Variants in CR2 observed in about 807,000 individuals in gnomAD.
CR2 encodes the protein complement receptor type 2.
A neutral mutation model predicts 123.0 loss-of-function variants in CR2; 96 were observed. That is an observed-to-expected ratio of 0.78 (90% CI 0.66 to 0.93). The LOEUF (loss-of-function observed/expected upper bound fraction) is 0.93. Among genes scored for constraint, CR2 ranks in the 40% least tolerant of loss-of-function variants. CR2 has a pLI of 0.00. For missense variants in CR2, 1,258 were observed against 1,361.0 expected, an observed-to-expected ratio of 0.92 and a Z score of 1.19; for synonymous variants, 484 against 469.5, an observed-to-expected ratio of 1.03 and a Z score of -0.40.
intron 12 of CR2, 74 bp from the exon 13 acceptor site, chr1:207,474,167 G>A: frequency 8.1e-7 from 1 of 1,238,910 alleles, no homozygotes; most frequent in African/African-American, 1.5e-5. Context: ...TTATTTAGAA[G>A]TCCCTTTTTG....
In CR2 at chr1:207,466,567, A is replaced by T. The variant is rs1283232823; in HGVS notation, c.100A>T (p.Ile34Phe). The change falls in exon 2 of 20, where the codon ATT (isoleucine) becomes TTT (phenylalanine). Residue 34 changes from isoleucine (I) to phenylalanine (F), a missense_variant. Coordinates refer to ENST00000367057, the MANE Select transcript of CR2 (RefSeq NM_001006658.3). ...TCCTCCGCCTATCCTAAATGGCCGGATTAGTTATTATTCTACCCCCATTGC... is the reference window on the plus strand; with the variant it reads ...TCCTCCGCCTATCCTAAATGGCCGGTTTAGTTATTATTCTACCCCCATTGC... ...GSPPPILNGRISYYSTPIAVG... is the reference protein window; with the variant it reads ...GSPPPILNGRFSYYSTPIAVG... 1 of 1,613,924 alleles carries T rather than the reference A, an allele frequency of 6.2e-7. No homozygotes were observed. Among genetic ancestry groups the T allele is most frequent in the Non-Finnish European group, 8.5e-7 (1 of 1,179,992 alleles).
rs528335863 is a variant in CR2, at chr1:207,485,504, T to C, written c.3229T>C (p.Leu1077=). 6.2e-7 allele frequency: 1 copy of C among 1,613,538 alleles called. No homozygotes were observed. ...TDTSQKEAFH[L]EAREVYSVDP... is the part of the protein sequence containing the mutation. ...TACAAGCCAGAAAGAAGCTTTTCAT[T>C]TAGAAGCACGAGAAGTATATTCTGT... Residue 1077 remains leucine (L), a synonymous_variant, in exon 19 of 20, where the codon TTA becomes CTA. Coordinates refer to ENST00000367057, the MANE Select transcript of CR2 (RefSeq NM_001006658.3).
intron 18 of CR2, among the ~76,000 whole-genome samples, chr1:207,482,484 C>T (rs142677821): frequency 2.0e-5 from 3 of 152,170 alleles, no homozygotes; most frequent in Non-Finnish European, 4.4e-5. Flanking sequence ...AGAGGAATGA[C>T]CACGTCCATC....
At chr1:207,456,351 A>G (rs898773229) in intron 1 of CR2, among the ~76,000 whole-genome samples, 11 of 152,150 alleles carry the variant, frequency 7.2e-5, no homozygotes, top group African/African-American at 2.4e-4. Flanking sequence ...GAGTGTGCTT[A>G]ATAAAATACT....
rs1658828876 is a variant in CR2 at position 207,489,403 on chromosome 1, CT to C, written c.*281del. 1 of 152,198 alleles carries C rather than the reference CT, an allele frequency of 6.6e-6. No homozygotes were observed. Among genetic ancestry groups the C allele is most frequent in the Admixed American group, 6.5e-5 (1 of 15,278 alleles). The allele number at this position is 152,198 out of a possible 1,614,324, so 9.4% of individuals were successfully genotyped here. ...CATGGCTATAAACAATTACATGGCT[CT>C]AAAAAGTTTTGCCCTTTTTAAGGAA... On this transcript the variant is annotated 3_prime_UTR_variant, in exon 20 of 20. Coordinates refer to ENST00000367057, the MANE Select transcript of CR2 (RefSeq NM_001006658.3).
chr1:207,481,059 T>C (rs1340099454), intron 18 of CR2, among the ~76,000 whole-genome samples: 1 of 152,124 alleles, frequency 6.6e-6, no homozygotes, highest in Non-Finnish European at 1.5e-5. Context: ...TTAGTCATTT[T>C]CATGATTACT....
Position 207,479,987 on chromosome 1 carries a change from C to T in CR2, c.3122C>T (p.Ala1041Val), listed in dbSNP as rs142392703. 2.0e-5 allele frequency: 33 copies of T among 1,612,374 alleles called. No homozygotes were observed. In the East Asian group the frequency reaches 7.4e-4, roughly 36 times the overall value. The change falls in exon 18 of 20, where the codon GCA becomes GTA. Residue 1041 changes from alanine (A) to valine (V), a missense_variant. Physicochemically the swap from Ala to Val is moderately conservative, Grantham distance 64 (BLOSUM62 0). Coordinates refer to ENST00000367057, the MANE Select transcript of CR2 (RefSeq NM_001006658.3). ...SLAPVLCGIA[A>V]GLILLTFLIV... ...TGGATTTTTCTTCTAGGTATTGCTG[C>T]AGGTTTGATACTTCTTACCTTCTTG... is the stretch of plus-strand genomic sequence containing the variant.
chr1:207,473,104 A>G lies in CR2; in HGVS notation c.1903A>G (p.Thr635Ala). ...GACATTCAAGTGTTATAGTGGATTTACTTTGAAGGGCAGTAGTCAGATTCG... is the reference window on the plus strand; with the variant it reads ...GACATTCAAGTGTTATAGTGGATTTGCTTTGAAGGGCAGTAGTCAGATTCG... ...TVTFKCYSGFTLKGSSQIRCK... is the reference protein window; with the variant it reads ...TVTFKCYSGFALKGSSQIRCK... Residue 635 changes from threonine to alanine, a missense_variant, in exon 10 of 20, where the codon ACT becomes GCT. Transcript: ENST00000367057. 1 of 1,613,998 alleles carries G rather than the reference A, an allele frequency of 6.2e-7. No individual in the cohort carries two copies.
Position 207,469,699 on chromosome 1 carries a change from T to G in CR2, c.822T>G (p.Ile274Met), listed in dbSNP as rs1243964195. ...TTCTTTCTGCAATTCCCCTAGAAAT[T>G]TTTTGCCCATCACCTCCCCCTATTC... ...AWTKMPVCEE[I>M]FCPSPPPILN... The change falls in exon 6 of 20, where the codon ATT becomes ATG. Residue 274 changes from isoleucine to methionine, a missense_variant. Transcript: ENST00000367057. 2 of 1,613,532 alleles carry G rather than the reference T, an allele frequency of 1.2e-6. No homozygotes were observed. The highest frequency in any genetic ancestry group is 1.7e-6 in the Non-Finnish European group (2 of 1,179,714).
At chr1:207,474,478 A>G (rs1231920241) in intron 13 of CR2, among the ~76,000 whole-genome samples, 155 bp downstream of exon 13, 2 of 152,230 alleles carry the variant, frequency 1.3e-5, no homozygotes, top group Non-Finnish European at 2.9e-5. Flanking sequence ...CAGTATTGAC[A>G]CTGAGAAACA....
chr1:207,470,818 T>TA lies in CR2; in HGVS notation c.1308dup (p.Tyr437IlefsTer2). The TA allele has an allele frequency of 6.2e-7, 1 of 1,613,900 alleles. No individual in the cohort carries two copies. Among genetic ancestry groups the TA allele is most frequent in the Non-Finnish European group, 8.5e-7 (1 of 1,179,870 alleles). On this transcript the variant is annotated frameshift_variant, in exon 7 of 20. Transcript: ENST00000367057. LOFTEE classifies it high-confidence loss of function. Reference sequence around the variant, plus strand: ...GTCCGCTTTGACCCTGGAACATCTATAAAATATAGCTGTAACCCTGGCTAT... The same window carrying TA: ...GTCCGCTTTGACCCTGGAACATCTATAAAAATATAGCTGTAACCCTGGCTAT...
rs770055011 is a variant in CR2 at position 207,475,200 on chromosome 1, A to G, written c.2700A>G (p.Pro900=). 8.1e-6 allele frequency: 13 copies of G among 1,613,896 alleles called. No individual in the cohort carries two copies. The highest frequency in any genetic ancestry group is 3.3e-5 in the Admixed American group (2 of 59,970). Residue 900 remains proline, a synonymous_variant, in exon 14 of 20, where the codon CCA becomes CCG. Transcript: ENST00000367057. ...HTDNTWVPGV[P]TCIKKAFIGC... ...ATAACACATGGGTGCCAGGTGTGCC[A>G]ACTTGTATCAAAAAAGGTAAGATAC...
chr1:207,473,570 C>A lies in CR2; in HGVS notation c.2004C>A (p.His668Gln). 3 of 1,613,870 alleles carry A rather than the reference C, an allele frequency of 1.9e-6. No individual in the cohort carries two copies. The highest frequency in any genetic ancestry group is 2.5e-6 in the Non-Finnish European group (3 of 1,179,844). Residue 668 changes from histidine to glutamine, a missense_variant, in exon 11 of 20, where the codon CAC (histidine) becomes CAA (glutamine). By Grantham distance (24) the His-to-Gln change is conservative. Coordinates refer to ENST00000367057, the MANE Select transcript of CR2 (RefSeq NM_001006658.3). ...EKGCQSPPGLHHGRHTGGNTV... is the reference protein window; with the variant it reads ...EKGCQSPPGLQHGRHTGGNTV... ...GCTGCCAGTCACCTCCTGGGCTCCA[C>A]CATGGTCGTCATACAGGTGGAAATA...
chr1:207,466,551 T>C lies in CR2; in HGVS notation c.84T>C (p.Pro28=). ...GGATTTCTTGTGGCTCTCCTCCGCC[T>C]ATCCTAAATGGCCGGATTAGTTATT... ...VLGISCGSPP[P]ILNGRISYYS... Residue 28 remains proline (P), a synonymous_variant, in exon 2 of 20, where the codon CCT becomes CCC. Coordinates refer to ENST00000367057, the MANE Select transcript of CR2 (RefSeq NM_001006658.3). 1 of 1,614,120 alleles carries C rather than the reference T, an allele frequency of 6.2e-7. No homozygotes were observed. Among genetic ancestry groups the C allele is most frequent in the Non-Finnish European group, 8.5e-7 (1 of 1,179,996 alleles).
At chr1:207,465,334 T>A (rs1448605338) in intron 1 of CR2, among the ~76,000 whole-genome samples, 2 of 152,112 alleles carry the variant, frequency 1.3e-5, no homozygotes, top group Non-Finnish European at 2.9e-5. Flanking sequence ...TCTGTGTTAT[T>A]GTAGGGGAAA....
rs185740745 is a variant in CR2, at chr1:207,476,501, A to G, written c.2902+82A>G. The stretch of plus-strand genomic sequence containing the variant: ...ATTCAGTTGGGTACTTTCAACTTAA[A>G]ATAGCCAAAGAAATGAATTAACTGT... On this transcript the variant is annotated intron_variant, in intron 15 of 19. Coordinates refer to ENST00000367057, the MANE Select transcript of CR2 (RefSeq NM_001006658.3). 5 of 1,232,302 alleles carry G rather than the reference A, an allele frequency of 4.1e-6. No individual in the cohort carries two copies. The East Asian group carries it at 1.3e-4, about 31-fold the overall frequency. The allele number at this position is 1,232,302 out of a possible 1,614,324, so 76.3% of individuals were successfully genotyped here.
chr1:207,454,644 G>A lies in CR2; in HGVS notation c.58+168G>A, dbSNP rs928775253. The A allele has an allele frequency of 6.8e-6, 4 of 584,920 alleles. No homozygotes were observed. The highest frequency in any genetic ancestry group is 5.9e-5 in the African/African-American group (3 of 50,596). 36.2% of individuals were successfully genotyped at this position (584,920 alleles called of 1,614,324 possible). A position where few individuals can be genotyped will look rare whatever the true frequency, so the allele number is the denominator to read the frequency against. On this transcript the variant is annotated intron_variant, in intron 1 of 19. Coordinates refer to ENST00000367057, the MANE Select transcript of CR2 (RefSeq NM_001006658.3). The surrounding 1 kb of genome is among the most constrained non-coding windows in gnomAD (Gnocchi z 4.3). The stretch of plus-strand genomic sequence containing the variant: ...CCACTGCAATAAACCGCCTGGTCCT[G>A]ATTGTCCCCACTGGCCCCTCCGGGA...
chr1:207,466,421 T>A, intron 1 of CR2, 105 bp from the exon 2 acceptor site: 2 of 1,309,364 alleles, frequency 1.5e-6, no homozygotes, highest in South Asian at 2.4e-5. Context: ...TTTCTAAGTC[T>A]GTTTCTGAAA....
At chr1:207,477,774 C>A in intron 15 of CR2, 111 bp from the exon 16 acceptor site, 1 of 859,786 alleles carries the variant, frequency 1.2e-6, no homozygotes, top group Non-Finnish European at 1.9e-6. Context: ...GCTTTCCTTA[C>A]TGAGAGTGAA....
Sources: gnomAD v4.1 joint callset for allele counts (sites outside exome capture counted in the v4.1 genomes callset) on GRCh38, gnomAD v4.1.1 for gene constraint, Gnocchi (gnomAD v3.1) non-coding constraint, MANE v1.5 for transcripts, NCBI Gene and HGNC (gene_info 2026-07-23, HGNC 2026-07-21) for gene names.